The following CDH4 variants were observed in gnomAD, a reference collection of about 807,000 sequenced individuals.
CDH4 encodes cadherin-4.
In CDH4, 33 loss-of-function variants were observed where a neutral mutation model predicts 86.0. The ratio of observed to expected loss-of-function variants is 0.38; its 90% CI spans 0.29 to 0.51. The LOEUF (loss-of-function observed/expected upper bound fraction) is 0.51. CDH4 is among the 20% of genes least tolerant of loss of function. CDH4 has a pLI of 0.86. For synonymous variants in CDH4, 555 were observed against 549.4 expected (o/e 1.01, Z -0.14); for missense variants, 1,114 against 1,307.4 (o/e 0.85, Z 2.28).
At chr20:61,762,870 A>G (rs1600960472) in intron 3 of CDH4, among the ~76,000 whole-genome samples, 1 of 152,180 alleles carries the variant, frequency 6.6e-6, no homozygotes, top group Admixed American at 6.5e-5. Context: ...GGACAGGTGC[A>G]CCCCAACAAG....
chr20:61,826,668 G>A (rs747032672), intron 4 of CDH4, among the ~76,000 whole-genome samples: 8 of 152,190 alleles, frequency 5.3e-5, no homozygotes, highest in Non-Finnish European at 1.0e-4. Flanking sequence ...GTTTGTTCTC[G>A]GGTGAATTAA....
At chr20:61,292,898 T>C (rs1002763001) in intron 2 of CDH4, among the ~76,000 whole-genome samples, 9 of 152,234 alleles carry the variant, frequency 5.9e-5, no homozygotes, top group Non-Finnish European at 1.0e-4. Flanking sequence ...GGTGCCTCTG[T>C]GCCCTAGGAG....
At chr20:61,797,383 G>T (rs141539383) in intron 4 of CDH4, among the ~76,000 whole-genome samples, 2 of 152,228 alleles carry the variant, frequency 1.3e-5, no homozygotes, top group Non-Finnish European at 1.5e-5. Flanking sequence ...GGAGGTAAGC[G>T]TTGGATCTGG....
chr20:61,834,942 C>G (rs1233989482), intron 4 of CDH4, among the ~76,000 whole-genome samples: 2 of 152,242 alleles, frequency 1.3e-5, no homozygotes, highest in East Asian at 3.9e-4. Flanking sequence ...GAGTCTCTCA[C>G]TCTTCTGAGC....
chr20:61,294,837 C>T (rs944221255), intron 2 of CDH4, among the ~76,000 whole-genome samples: 3 of 152,234 alleles, frequency 2.0e-5, no homozygotes, highest in East Asian at 1.9e-4. Flanking sequence ...CTGGTCACGG[C>T]GCTCGGTGTG....
chr20:61,586,171 G>T (rs1025900067), intron 2 of CDH4, among the ~76,000 whole-genome samples: 6 of 151,678 alleles, frequency 4.0e-5, no homozygotes, highest in Non-Finnish European at 7.4e-5. Context: ...AAATGATGAT[G>T]ATGTTTATAG....
intron 4 of CDH4, among the ~76,000 whole-genome samples, chr20:61,835,864 A>G (rs1254938494): frequency 6.6e-6 from 1 of 152,144 alleles, no homozygotes; most frequent in Non-Finnish European, 1.5e-5. Context: ...CCTGCCGGGC[A>G]CTGTGTTAAG....
intron 2 of CDH4, among the ~76,000 whole-genome samples, chr20:61,375,949 G>A (rs1568819232): frequency 0.01 from 37 of 3,682 alleles, no homozygotes; most frequent in Non-Finnish European, 0.014. Flanking sequence ...GGTGCTGGTG[G>A]TGGTCATAGC....
At chr20:61,721,309 A>G (rs2088038358) in intron 2 of CDH4, among the ~76,000 whole-genome samples, 1 of 152,192 alleles carries the variant, frequency 6.6e-6, no homozygotes, top group Admixed American at 6.5e-5. Context: ...CTCACTAGAA[A>G]TGGATGGAAT....
At chr20:61,263,865 C>T (rs905563856) in intron 2 of CDH4, among the ~76,000 whole-genome samples, 1 of 152,086 alleles carries the variant, frequency 6.6e-6, no homozygotes, top group Non-Finnish European at 1.5e-5. Flanking sequence ...CCGCTTCCTC[C>T]GTCTTCAGAG....
rs1352496377 is a variant in CDH4 at position 61,320,811 on chromosome 20, G to T, written c.169+65874G>T. The stretch of plus-strand genomic sequence containing the variant: ...GGCAAAGGGAGCAGCGTGCGCAGAG[G>T]TCCTGTGCTGGGAGGGAGTGTGGGG... On this transcript the variant is annotated intron_variant, in intron 2 of 15. Transcript: ENST00000614565. Among the ~76,000 whole-genome samples, 9 of 151,966 alleles carry T rather than the reference G, an allele frequency of 5.9e-5. 1 individual carries two copies.
At chr20:61,365,628 C>A (rs1326298045) in intron 2 of CDH4, among the ~76,000 whole-genome samples, 1 of 152,066 alleles carries the variant, frequency 6.6e-6, no homozygotes, top group Non-Finnish European at 1.5e-5. Context: ...GCGAGGGAAG[C>A]TGGGTCTGAA....
At chr20:61,506,561 G>T (rs1219300414) in intron 2 of CDH4, among the ~76,000 whole-genome samples, 2 of 152,200 alleles carry the variant, frequency 1.3e-5, no homozygotes, top group African/African-American at 2.4e-5. Context: ...GGGCAGAATT[G>T]TATCAGAGAA....
At chr20:61,394,877 G>A (rs1161090356) in intron 2 of CDH4, among the ~76,000 whole-genome samples, 1 of 137,376 alleles carries the variant, frequency 7.3e-6, no homozygotes, top group East Asian at 2.1e-4. Flanking sequence ...GGGGCTGTGA[G>A]CCCTCACAAC....
intron 7 of CDH4, among the ~76,000 whole-genome samples, chr20:61,892,301 T>C (rs1189768958): frequency 1.3e-5 from 2 of 152,170 alleles, no homozygotes; most frequent in Admixed American, 1.3e-4. Context: ...ACCACAATCA[T>C]TGGCAACATT....
At chr20:61,599,533 G>C (rs958436282) in intron 2 of CDH4, among the ~76,000 whole-genome samples, 5 of 152,238 alleles carry the variant, frequency 3.3e-5, no homozygotes, top group Non-Finnish European at 5.9e-5. Context: ...GCAGCAAGGG[G>C]ATACGTGGAA....
At chr20:61,797,145 T>C (rs953129812) in intron 4 of CDH4, among the ~76,000 whole-genome samples, 3 of 151,888 alleles carry the variant, frequency 2.0e-5, no homozygotes, top group African/African-American at 4.8e-5. Flanking sequence ...TCCCCGAGCA[T>C]TGGAAGAACA....
chr20:61,477,208 G>C (rs2085542322), intron 2 of CDH4, among the ~76,000 whole-genome samples: 1 of 152,216 alleles, frequency 6.6e-6, no homozygotes, highest in Non-Finnish European at 1.5e-5. Flanking sequence ...TGGAGGGCCA[G>C]CTCCTTGCAC....
At chr20:61,386,897 A>G (rs1351142034) in intron 2 of CDH4, among the ~76,000 whole-genome samples, 2 of 152,176 alleles carry the variant, frequency 1.3e-5, no homozygotes, top group Admixed American at 1.3e-4. Context: ...GCCCGGGGGG[A>G]GGAGGCGTCA....
Sources: allele counts gnomAD v4.1 joint callset (sites outside exome capture counted in the v4.1 genomes callset), GRCh38; gene constraint gnomAD v4.1.1; transcripts MANE v1.5; gene names NCBI Gene and HGNC (gene_info 2026-07-23, HGNC 2026-07-21).